Variants in GPR137C observed in about 807,000 individuals in gnomAD.
The protein encoded by GPR137C is G protein-coupled receptor 137C.
GPR137C carries 27 observed loss-of-function variants against 43.4 expected under a neutral mutation model. The observed-to-expected ratio is 0.62, with a 90% CI of 0.46 to 0.86. The LOEUF (loss-of-function observed/expected upper bound fraction) is 0.86. Ranked by LOEUF, GPR137C falls within the 40% of genes least tolerant of loss-of-function variation. The pLI, the probability that GPR137C is intolerant of heterozygous loss-of-function variation, is 0.00. For missense variants in GPR137C, 522 were observed against 534.6 expected, an observed-to-expected ratio of 0.98 and a Z score of 0.23; for synonymous variants, 285 against 226.9, an observed-to-expected ratio of 1.26 and a Z score of -2.30.
intron 3 of GPR137C, among the ~76,000 whole-genome samples, chr14:52,614,006 C>T (rs80076426): frequency 1.7e-3 from 264 of 152,258 alleles, no homozygotes; most frequent in Non-Finnish European, 3.0e-3. Flanking sequence ...CACAACCTTA[C>T]CAGTATTTGT....
rs1169987163 is a variant in GPR137C at position 52,637,423 on chromosome 14, T to C, written c.*2308T>C. On this transcript the variant is annotated 3_prime_UTR_variant, in exon 7 of 7. Coordinates refer to ENST00000321662, the MANE Select transcript of GPR137C (RefSeq NM_001099652.2). ...ATTTCATTACTTAAGTGTGTAATTCTATAGTGATTAGCAGTATTTGTTTTC... is the reference window on the plus strand; with the variant it reads ...ATTTCATTACTTAAGTGTGTAATTCCATAGTGATTAGCAGTATTTGTTTTC... 1 of 152,108 alleles carries C rather than the reference T, an allele frequency of 6.6e-6. No homozygotes were observed. The highest frequency in any genetic ancestry group is 2.4e-5 in the African/African-American group (1 of 41,370). The allele number at this position is 152,108 out of a possible 1,614,324, so 9.4% of individuals were successfully genotyped here. A position where few individuals can be genotyped will look rare whatever the true frequency, so the allele number is the denominator to read the frequency against.
chr14:52,567,432 A>T (rs1431432764), intron 1 of GPR137C, among the ~76,000 whole-genome samples: 1 of 152,174 alleles, frequency 6.6e-6, no homozygotes, highest in East Asian at 1.9e-4. Flanking sequence ...TTTCTAATTT[A>T]TGGTAATATT....
At chr14:52,555,011 G>A (rs1251840772) in intron 1 of GPR137C, among the ~76,000 whole-genome samples, 1 of 151,938 alleles carries the variant, frequency 6.6e-6, no homozygotes, top group Non-Finnish European at 1.5e-5. Flanking sequence ...ATTTGAGGGT[G>A]TTCTAATCTA....
chr14:52,592,547 A>C (rs1056779090), intron 1 of GPR137C, among the ~76,000 whole-genome samples: 1 of 152,136 alleles, frequency 6.6e-6, no homozygotes, highest in Non-Finnish European at 1.5e-5. Context: ...GGTCCTTCAC[A>C]TCCCTTGTAA....
chr14:52,565,233 T>G (rs1318440941), intron 1 of GPR137C, among the ~76,000 whole-genome samples: 2 of 152,240 alleles, frequency 1.3e-5, no homozygotes, highest in Non-Finnish European at 2.9e-5. Flanking sequence ...CCGAATAAGC[T>G]AAGCAAAACT....
At chr14:52,616,093 T>C (rs1677480541) in intron 3 of GPR137C, among the ~76,000 whole-genome samples, 1 of 152,240 alleles carries the variant, frequency 6.6e-6, no homozygotes, top group African/African-American at 2.4e-5. Context: ...GGCACCTTTC[T>C]ATAATCTTGT....
intron 1 of GPR137C, among the ~76,000 whole-genome samples, chr14:52,594,512 G>A (rs1489577037): frequency 6.6e-6 from 1 of 152,130 alleles, no homozygotes; most frequent in Non-Finnish European, 1.5e-5. Context: ...TGTATTGGGT[G>A]CATATATATT....
chr14:52,611,972 G>GA, intron 3 of GPR137C: 1 of 985,276 alleles, frequency 1.0e-6, no homozygotes, highest in Non-Finnish European at 1.2e-6. Flanking sequence ...ACAAAACTTG[G>GA]AAAAATCCTT....
At chr14:52,612,169 T>G (rs773365227) in intron 3 of GPR137C, 251 of 983,850 alleles carry the variant, frequency 2.6e-4, no homozygotes, top group Non-Finnish European at 3.0e-4. Flanking sequence ...CTTGGCAATA[T>G]GAAAGAATAT....
chr14:52,630,833 A>C (rs1194289278), intron 3 of GPR137C, among the ~76,000 whole-genome samples: 1 of 152,198 alleles, frequency 6.6e-6, no homozygotes, highest in Non-Finnish European at 1.5e-5. Flanking sequence ...TGTAACATAA[A>C]GAGGAAATAA....
At chr14:52,576,541 T>C (rs190850409) in intron 1 of GPR137C, among the ~76,000 whole-genome samples, 5 of 152,336 alleles carry the variant, frequency 3.3e-5, no homozygotes, top group East Asian at 1.9e-4. Context: ...AGAAATCTTA[T>C]TGTTTTTCCA....
chr14:52,628,241 A>G (rs2039252591), intron 3 of GPR137C, among the ~76,000 whole-genome samples: 1 of 152,200 alleles, frequency 6.6e-6, no homozygotes. Context: ...AAGATGGTAA[A>G]GCAATCCAAT....
intron 1 of GPR137C, among the ~76,000 whole-genome samples, chr14:52,568,036 CTCCCAGGGAGA>C (rs1392182301): frequency 4.6e-5 from 7 of 152,282 alleles, no homozygotes; most frequent in Admixed American, 6.5e-5. Flanking sequence ...CAGTCTGCAG[CTCCCAGGGAGA>C]TCCCAGGGAG....
chr14:52,623,357 A>G (rs1453422429), intron 3 of GPR137C, among the ~76,000 whole-genome samples: 1 of 152,210 alleles, frequency 6.6e-6, no homozygotes, highest in East Asian at 1.9e-4. Context: ...TCAATTATAT[A>G]AGGCTATACT....
At chr14:52,614,198 G>T (rs146403688) in intron 3 of GPR137C, among the ~76,000 whole-genome samples, 1 of 149,828 alleles carries the variant, frequency 6.7e-6, no homozygotes, top group South Asian at 2.1e-4. Context: ...TCAGCTCCCC[G>T]CAGCCTCAAC....
Position 52,569,621 on chromosome 14 carries a change from C to T in GPR137C, c.444+16030C>T, listed in dbSNP as rs142824010. ...TAAATGACCTGATGGAGCTGAAAAA[C>T]AGCATGAGAACTTCGTGAAGCATAC... On this transcript the variant is annotated intron_variant, in intron 1 of 6. Coordinates refer to ENST00000321662, the MANE Select transcript of GPR137C (RefSeq NM_001099652.2). Among the ~76,000 whole-genome samples, 933 of 151,734 alleles carry T rather than the reference C, an allele frequency of 6.1e-3. 11 individuals are homozygous for T. Among genetic ancestry groups the T allele is most frequent in the African/African-American group, 0.02 (826 of 41,410 alleles).
At chr14:52,617,839 C>G (rs1214434869) in intron 3 of GPR137C, among the ~76,000 whole-genome samples, 1 of 152,118 alleles carries the variant, frequency 6.6e-6, no homozygotes, top group African/African-American at 2.4e-5. Context: ...TGATAGTGCT[C>G]TCATGGGTTG....
chr14:52,623,331 C>T (rs1053357910), intron 3 of GPR137C, among the ~76,000 whole-genome samples: 1 of 152,162 alleles, frequency 6.6e-6, no homozygotes, highest in Admixed American at 6.5e-5. Flanking sequence ...TTCCATCCAG[C>T]AGGCATTCAG....
At chr14:52,610,948 T>G (rs1015134471) in intron 3 of GPR137C, among the ~76,000 whole-genome samples, 1 of 152,178 alleles carries the variant, frequency 6.6e-6, no homozygotes, top group African/African-American at 2.4e-5. Flanking sequence ...AGGTGTGTAT[T>G]TTTATATAGG....
Sources: gnomAD v4.1 joint callset for allele counts (sites outside exome capture counted in the v4.1 genomes callset) on GRCh38, gnomAD v4.1.1 for gene constraint, MANE v1.5 for transcripts, NCBI Gene and HGNC (gene_info 2026-07-23, HGNC 2026-07-21) for gene names.